The following PRR16 variants were observed in gnomAD, a reference collection of about 807,000 sequenced individuals.
PRR16 encodes proline rich 16.
A neutral mutation model predicts 18.2 loss-of-function variants in PRR16; 6 were observed. The ratio of observed to expected loss-of-function variants is 0.33; its 90% CI spans 0.18 to 0.65. The LOEUF (loss-of-function observed/expected upper bound fraction) is 0.65. Ranked by LOEUF, PRR16 falls within the 30% of genes least tolerant of loss-of-function variation. The pLI is 0.74. For synonymous variants in PRR16, 151 were observed against 147.8 expected, an observed-to-expected ratio of 1.02 and a Z score of -0.16; for missense variants, 412 against 376.6, an observed-to-expected ratio of 1.09 and a Z score of -0.78.
chr5:120,764,837 A>G, the PRR16 span, among the ~76,000 whole-genome samples: 1 of 152,070 alleles, frequency 6.6e-6, no homozygotes, highest in African/African-American at 2.4e-5. Context: ...TCTGCCACCC[A>G]CTGGCATTTA....
At chr5:120,740,196 G>A in the PRR16 span, among the ~76,000 whole-genome samples, 2 of 152,098 alleles carry the variant, frequency 1.3e-5, no homozygotes, top group Non-Finnish European at 2.9e-5. Flanking sequence ...CAGAAATGGT[G>A]CCCTGGTTCA....
At chr5:120,720,850 C>G in the PRR16 span, among the ~76,000 whole-genome samples, 1 of 151,734 alleles carries the variant, frequency 6.6e-6, no homozygotes, top group Non-Finnish European at 1.5e-5. Flanking sequence ...TGTAAGTGTC[C>G]TTTTTGGGGT....
intron 1 of PRR16, among the ~76,000 whole-genome samples, chr5:120,625,559 A>C (rs1754834987): frequency 6.6e-6 from 1 of 152,134 alleles, no homozygotes; most frequent in Admixed American, 6.5e-5. Context: ...ACTGGTCTCA[A>C]GCTCCTGGAC....
intron 1 of PRR16, among the ~76,000 whole-genome samples, chr5:120,587,864 C>T (rs1023116258): frequency 3.3e-5 from 5 of 152,100 alleles, no homozygotes; most frequent in African/African-American, 1.2e-4. Context: ...CATAGTAATT[C>T]TTCTGATGGA....
chr5:120,780,141 C>T, the PRR16 span, among the ~76,000 whole-genome samples: 654 of 152,242 alleles, frequency 4.3e-3, 5 homozygotes, highest in African/African-American at 0.015. Context: ...GATTCTCAGA[C>T]CTACCATGGG....
Position 120,659,386 on chromosome 5 carries a change from T to C in PRR16, c.160-26568T>C, listed in dbSNP as rs565686289. Among the ~76,000 whole-genome samples the C allele has an allele frequency of 5.2e-4, 79 of 151,460 alleles. 1 individual carries two copies. The South Asian group carries it at 0.016, about 31-fold the overall frequency. Reference sequence around the variant, plus strand: ...TTTGGCAATTTTTAAATGTCAAATATAAAATGTAATATATTTTCTCCTTCA... The same window carrying C: ...TTTGGCAATTTTTAAATGTCAAATACAAAATGTAATATATTTTCTCCTTCA... On this transcript the variant is annotated intron_variant, in intron 1 of 1. Transcript: ENST00000407149.
intron 1 of PRR16, among the ~76,000 whole-genome samples, chr5:120,561,915 A>G (rs957259520): frequency 7.2e-5 from 11 of 151,876 alleles, no homozygotes; most frequent in Non-Finnish European, 1.5e-4. Context: ...AGCCTATTAA[A>G]CCTCTTTTTC....
chr5:120,501,526 G>C (rs1750452464), intron 1 of PRR16, among the ~76,000 whole-genome samples: 1 of 152,054 alleles, frequency 6.6e-6, no homozygotes, highest in African/African-American at 2.4e-5. Flanking sequence ...TCATCTTAGG[G>C]AACATCTTTT....
chr5:120,729,306 T>C, the PRR16 span, among the ~76,000 whole-genome samples: 1 of 152,184 alleles, frequency 6.6e-6, no homozygotes, highest in African/African-American at 2.4e-5. Context: ...GCTCTCCAGC[T>C]GTGTGGCCAT....
the PRR16 span, among the ~76,000 whole-genome samples, chr5:120,700,600 A>G: frequency 6.6e-6 from 1 of 151,942 alleles, no homozygotes; most frequent in Non-Finnish European, 1.5e-5. Flanking sequence ...ACTAAAAAGG[A>G]GTGCTTAAAA....
chr5:120,626,877 G>C (rs1449594025), intron 1 of PRR16, among the ~76,000 whole-genome samples: 6 of 151,930 alleles, frequency 3.9e-5, no homozygotes, highest in African/African-American at 1.4e-4. Context: ...TATTTCTCTT[G>C]GATATGATAA....
At position 120,494,796 on chromosome 5, in the gene PRR16, G is replaced by A. The variant is rs114560664; in HGVS notation, c.159+30151G>A. On this transcript the variant is annotated intron_variant, in intron 1 of 1. Transcript: ENST00000407149. ...TGTGAGGCATAGGTTGAGGTGTGTC[G>A]TTTTGCTTAAGGATGTCCATTTGCT... Among the ~76,000 whole-genome samples, 190 of 152,052 alleles carry A rather than the reference G, an allele frequency of 1.2e-3. 1 individual carries two copies. The highest frequency in any genetic ancestry group is 4.2e-3 in the African/African-American group (176 of 41,500).
chr5:120,784,877 G>A, the PRR16 span, among the ~76,000 whole-genome samples: 1 of 152,150 alleles, frequency 6.6e-6, no homozygotes, highest in African/African-American at 2.4e-5. Context: ...GACCAGGACA[G>A]GAATATCCAT....
At chr5:120,478,294 A>G (rs1378376174) in intron 1 of PRR16, among the ~76,000 whole-genome samples, 1 of 152,134 alleles carries the variant, frequency 6.6e-6, no homozygotes, top group African/African-American at 2.4e-5. Flanking sequence ...CATATGAATT[A>G]TTTATCTTCT....
At chr5:120,623,657 C>T (rs1754761394) in intron 1 of PRR16, among the ~76,000 whole-genome samples, 1 of 151,950 alleles carries the variant, frequency 6.6e-6, no homozygotes, top group Admixed American at 6.6e-5. Context: ...TTGTCTTTAC[C>T]ATGTCATAGA....
At chr5:120,773,632 A>G in the PRR16 span, among the ~76,000 whole-genome samples, 2 of 150,640 alleles carry the variant, frequency 1.3e-5, no homozygotes, top group East Asian at 1.9e-4. Context: ...TAGGTGTTCT[A>G]TTTTTGTTTT....
At chr5:120,621,835 G>A (rs1275509752) in intron 1 of PRR16, among the ~76,000 whole-genome samples, 1 of 152,134 alleles carries the variant, frequency 6.6e-6, no homozygotes, top group African/African-American at 2.4e-5. Flanking sequence ...TAAGTCAATT[G>A]AACCTCTTTC....
At chr5:120,758,738 T>C in the PRR16 span, among the ~76,000 whole-genome samples, 2 of 152,210 alleles carry the variant, frequency 1.3e-5, no homozygotes, top group African/African-American at 4.8e-5. Context: ...TCCCCAGCCA[T>C]GCAGAACTGT....
At chr5:120,637,515 A>G (rs995666166) in intron 1 of PRR16, among the ~76,000 whole-genome samples, 2 of 152,066 alleles carry the variant, frequency 1.3e-5, no homozygotes, top group Non-Finnish European at 2.9e-5. Context: ...ACCTGAATGG[A>G]ATTGGAGACT....
Sources: allele counts gnomAD v4.1 joint callset (sites outside exome capture counted in the v4.1 genomes callset), GRCh38; gene constraint gnomAD v4.1.1; transcripts MANE v1.5; gene names NCBI Gene and HGNC (gene_info 2026-07-23, HGNC 2026-07-21).